The following COG4 variants were observed in gnomAD, a reference collection of about 807,000 sequenced individuals.
COG4 encodes the protein component of oligomeric golgi complex 4.
A neutral mutation model predicts 95.1 loss-of-function variants in COG4; 65 were observed. The observed-to-expected ratio is 0.68, with a 90% CI of 0.56 to 0.84. The LOEUF (loss-of-function observed/expected upper bound fraction) is 0.84. COG4 is among the 40% of genes least tolerant of loss of function. COG4 has a pLI of 0.00. For synonymous variants in COG4, 421 were observed against 374.8 expected, an observed-to-expected ratio of 1.12 and a Z score of -1.42; for missense variants, 1,045 against 989.1, an observed-to-expected ratio of 1.06 and a Z score of -0.76.
chr16:70,517,513 A>G, intron 3 of COG4, 113 bp downstream of exon 3: 1 of 669,604 alleles, frequency 1.5e-6, no homozygotes, highest in East Asian at 2.7e-5. Context: ...GCTTGAGCCC[A>G]GGGAGTTGGG....
At position 70,498,115 on chromosome 16, in the gene COG4, T is replaced by G; in HGVS notation, c.1196-60A>C. On this transcript the variant is annotated intron_variant, in intron 9 of 18. Transcript: ENST00000323786. ...TTTCCCCAAGGGAAACAGAGCAACT[T>G]TTTTCATTTTTTCAGGTTCCTTTAT... 3.1e-6 allele frequency: 3 copies of G among 974,310 alleles called. No homozygotes were observed. The South Asian group carries it at 3.9e-5, about 13-fold the overall frequency. 60.4% of individuals were successfully genotyped at this position (974,310 alleles called of 1,614,324 possible).
At chr16:70,508,541 T>A (rs1157476373) in intron 7 of COG4, 77 bp from the exon 8 acceptor site, 13 of 1,268,270 alleles carry the variant, frequency 1.0e-5, no homozygotes. Flanking sequence ...ACTCCAAACT[T>A]TTGGCATACA....
In COG4 at chr16:70,510,008, G is replaced by T; in HGVS notation, c.752C>A (p.Ala251Asp). The T allele has an allele frequency of 6.2e-7, 1 of 1,613,766 alleles. No homozygotes were observed. The highest frequency in any genetic ancestry group is 8.5e-7 in the Non-Finnish European group (1 of 1,179,726). ...EYLCKQVASK[A>D]EENLLMVLGT... ...CAGCACCATGAGCAGATTCTCCTCA[G>T]CTTTACTGGCCACCTAAAAAAGGAG... is the stretch of plus-strand genomic sequence containing the variant. The change falls in exon 6 of 19, where the codon GCT (alanine) becomes GAT (aspartate). Residue 251 changes from alanine (A) to aspartate (D), a missense_variant. By Grantham distance (126) the Ala-to-Asp change is moderately radical (BLOSUM62 -2). Coordinates refer to ENST00000323786, the MANE Select transcript of COG4 (RefSeq NM_015386.3).
chr16:70,505,697 C>T (rs1456901861), intron 8 of COG4, among the ~76,000 whole-genome samples: 1 of 151,320 alleles, frequency 6.6e-6, no homozygotes, highest in African/African-American at 2.4e-5. Context: ...GGCGTGGTGG[C>T]AGACGCCTGT....
At chr16:70,521,846 C>T (rs1236830040) in intron 1 of COG4, among the ~76,000 whole-genome samples, 2 of 150,902 alleles carry the variant, frequency 1.3e-5, no homozygotes, top group Non-Finnish European at 3.0e-5. Flanking sequence ...GGACTACAGG[C>T]GCCCGCCACC....
chr16:70,482,014 T>C, intron 16 of COG4, 78 bp downstream of exon 16: 1 of 1,385,176 alleles, frequency 7.2e-7, no homozygotes, highest in Non-Finnish European at 1.0e-6. Context: ...CCAGAAGGAA[T>C]GTGATGAGAC....
intron 8 of COG4, among the ~76,000 whole-genome samples, chr16:70,504,194 C>T (rs1271071306): frequency 6.6e-6 from 1 of 152,094 alleles, no homozygotes; most frequent in African/African-American, 2.4e-5. Flanking sequence ...GATTTTATTC[C>T]CAGCTCCCCC....
intron 8 of COG4, among the ~76,000 whole-genome samples, chr16:70,507,932 A>G (rs1567388235): frequency 6.6e-6 from 1 of 151,324 alleles, no homozygotes; most frequent in Non-Finnish European, 1.5e-5. Context: ...TTATTTATTT[A>G]TTTTTTGAGA....
intron 8 of COG4, among the ~76,000 whole-genome samples, chr16:70,507,683 A>G (rs1004551854): frequency 2.0e-5 from 3 of 151,864 alleles, no homozygotes; most frequent in Non-Finnish European, 4.4e-5. Context: ...CATCATGGCA[A>G]AACCCTGTCT....
At chr16:70,522,288 C>T (rs956630516) in intron 1 of COG4, among the ~76,000 whole-genome samples, 4 of 152,136 alleles carry the variant, frequency 2.6e-5, no homozygotes, top group African/African-American at 9.7e-5. Flanking sequence ...AGCCACCGCG[C>T]CCCGCAAGAT....
chr16:70,496,293 ACT>A lies in COG4; in HGVS notation c.1618_1619del (p.Ser540TyrfsTer2). ...GGAAGGACATCTTCGCCTCGTCAGT[ACT>A]CTCGATGCCTTTTGTGTCAAATTTG... ...QGKFDTKGIE[S>X]TDEAKMSFLV... is the part of the protein sequence containing the mutation. On this transcript the variant is annotated frameshift_variant, in exon 12 of 19. Transcript: ENST00000323786. LOFTEE classifies it high-confidence loss of function. 1 of 1,613,992 alleles carries A rather than the reference ACT, an allele frequency of 6.2e-7. No homozygotes were observed. Among genetic ancestry groups the A allele is most frequent in the Non-Finnish European group, 8.5e-7 (1 of 1,179,990 alleles).
At chr16:70,517,052 C>T (rs554597852) in intron 3 of COG4, among the ~76,000 whole-genome samples, 2 of 152,196 alleles carry the variant, frequency 1.3e-5, no homozygotes, top group South Asian at 2.1e-4. Context: ...GTGTGCACCA[C>T]CATGTCCAGC....
In COG4 at chr16:70,501,171, A is replaced by T. The variant is rs989167735; in HGVS notation, c.1062-80T>A. On this transcript the variant is annotated intron_variant, in intron 8 of 18. Transcript: ENST00000323786. ...GAGCTACAGGGCAAAGAGAGTCCCA[A>T]ATTCCCCCTCCCCACTGGGCCCATA... 26 of 1,519,164 alleles carry T rather than the reference A, an allele frequency of 1.7e-5. No homozygotes were observed. The African/African-American group carries it at 2.7e-4, about 16-fold the overall frequency. 94.1% of individuals were successfully genotyped at this position (1,519,164 alleles called of 1,614,324 possible).
At chr16:70,485,314 G>A (rs575474782) in intron 13 of COG4, among the ~76,000 whole-genome samples, 4 of 148,946 alleles carry the variant, frequency 2.7e-5, no homozygotes, top group South Asian at 2.1e-4. Flanking sequence ...AGCGATTCTC[G>A]TGCCTCAGCC....
chr16:70,493,464 G>A (rs537952067), intron 12 of COG4, among the ~76,000 whole-genome samples: 2 of 152,136 alleles, frequency 1.3e-5, no homozygotes, highest in Non-Finnish European at 2.9e-5. Flanking sequence ...CTACCATGTT[G>A]GGCAGTGTAG....
chr16:70,522,568 C>A (rs1303562831), intron 1 of COG4, among the ~76,000 whole-genome samples: 9 of 152,234 alleles, frequency 5.9e-5, no homozygotes, highest in Non-Finnish European at 8.8e-5. Flanking sequence ...CAACGATCAC[C>A]TCTCCCTCAG....
chr16:70,498,033 T>C lies in COG4; in HGVS notation c.1218A>G (p.Lys406=). The change falls in exon 10 of 19, where the codon AAA becomes AAG. Residue 406 remains lysine (K), a synonymous_variant. Coordinates refer to ENST00000323786, the MANE Select transcript of COG4 (RefSeq NM_015386.3). ...VKQEHQKCLD[K]LLNNCLLSCT... is the part of the protein sequence containing the mutation. Reference sequence around the variant, plus strand: ...AGCTCAAAAGGCAGTTATTGAGGAGTTTGTCCAGACACTTCTGGTGCTCTA... The same window carrying C: ...AGCTCAAAAGGCAGTTATTGAGGAGCTTGTCCAGACACTTCTGGTGCTCTA... The C allele has an allele frequency of 6.2e-7, 1 of 1,613,240 alleles. No individual in the cohort carries two copies.
chr16:70,511,707 C>T (rs978504020), intron 5 of COG4, among the ~76,000 whole-genome samples: 3 of 151,730 alleles, frequency 2.0e-5, no homozygotes, highest in South Asian at 2.1e-4. Context: ...CCGAGGTGGG[C>T]GGATCACCTG....
chr16:70,503,785 G>A (rs940722232), intron 8 of COG4, among the ~76,000 whole-genome samples: 1 of 131,632 alleles, frequency 7.6e-6, no homozygotes, highest in Non-Finnish European at 1.5e-5. Context: ...TAGTAGAGAC[G>A]GGGTTTCACC....
Sources: gnomAD v4.1 joint callset for allele counts (sites outside exome capture counted in the v4.1 genomes callset) on GRCh38, gnomAD v4.1.1 for gene constraint, MANE v1.5 for transcripts, NCBI Gene and HGNC (gene_info 2026-07-23, HGNC 2026-07-21) for gene names.